The following ANKS1B variants were observed in gnomAD, a reference collection of about 807,000 sequenced individuals.
ANKS1B encodes ankyrin repeat and sterile alpha motif domain containing 1B, also known as ankyrin repeat and sterile alpha motif domain-containing protein 1B.
A neutral mutation model predicts 148.3 loss-of-function variants in ANKS1B; 36 were observed. The ratio of observed to expected loss-of-function variants is 0.24; its 90% CI spans 0.19 to 0.32. The LOEUF is 0.32. Ranked by LOEUF, ANKS1B falls within the 10% of genes least tolerant of loss-of-function variation. The probability of loss-of-function intolerance (pLI) is 1.00; values close to 1 mark genes in which losing one functional copy is unlikely to be tolerated. For synonymous variants in ANKS1B, 542 were observed against 560.8 expected (o/e 0.97, Z 0.47); for missense variants, 1,157 against 1,542.6 (o/e 0.75, Z 4.19).
chr12:99,952,904 C>T (rs1437009824), intron 1 of ANKS1B, among the ~76,000 whole-genome samples: 1 of 152,160 alleles, frequency 6.6e-6, no homozygotes, highest in Non-Finnish European at 1.5e-5. Context: ...ACTGCCATTT[C>T]AGTGAGATTT....
chr12:99,178,556 T>A (rs940808197), intron 14 of ANKS1B, among the ~76,000 whole-genome samples: 1 of 152,202 alleles, frequency 6.6e-6, no homozygotes, highest in Non-Finnish European at 1.5e-5. Flanking sequence ...CTGAATAAAT[T>A]AAAATAATTT....
At chr12:99,547,245 C>T (rs985427158) in intron 9 of ANKS1B, among the ~76,000 whole-genome samples, 5 of 152,132 alleles carry the variant, frequency 3.3e-5, no homozygotes, top group African/African-American at 9.7e-5. Flanking sequence ...ATAATGCCTA[C>T]ATCAAAGGAC....
intron 16 of ANKS1B, among the ~76,000 whole-genome samples, chr12:99,056,513 A>G (rs192814933): frequency 5.3e-5 from 8 of 152,264 alleles, no homozygotes; most frequent in Non-Finnish European, 8.8e-5. Context: ...TTGCTACTAC[A>G]TTAGTCTTCC....
At chr12:99,364,275 ATATT>A (rs34959970) in intron 12 of ANKS1B, among the ~76,000 whole-genome samples, 44,175 of 151,754 alleles carry the variant, frequency 0.29, 7,193 homozygotes, top group East Asian at 0.49. Context: ...CAGTATATAT[ATATT>A]TGTTTATTGT....
chr12:99,787,081 A>G (rs1455212278), intron 4 of ANKS1B, among the ~76,000 whole-genome samples: 1 of 152,214 alleles, frequency 6.6e-6, no homozygotes, highest in Non-Finnish European at 1.5e-5. Flanking sequence ...AATAACATAT[A>G]AATAGCTATT....
In ANKS1B at chr12:98,851,910, C is replaced by T. The variant is rs185534570; in HGVS notation, c.2779-19774G>A. On this transcript the variant is annotated intron_variant, in intron 17 of 26. Coordinates refer to ENST00000683438, the MANE Select transcript of ANKS1B (RefSeq NM_001352186.2). ...ATGGTGGTGCACGCCTGTAGTCCCA[C>T]CTACCCAGGAGGCTGAAGCAGCAGA... Among the ~76,000 whole-genome samples, 114 of 151,392 alleles carry T rather than the reference C, an allele frequency of 7.5e-4. 1 individual carries two copies. Among genetic ancestry groups the T allele is most frequent in the African/African-American group, 2.7e-3 (110 of 41,186 alleles).
In ANKS1B at chr12:99,407,876, C is replaced by T. The variant is rs992591145; in HGVS notation, c.1576-8065G>A. On this transcript the variant is annotated intron_variant, in intron 11 of 26. Coordinates refer to ENST00000683438, the MANE Select transcript of ANKS1B (RefSeq NM_001352186.2). ...CATATAAGAAAATGAAAAGATATTC[C>T]ACTTTCTGGATTGGTAGAATAAACA... Among the ~76,000 whole-genome samples the T allele has an allele frequency of 4.8e-5, 7 of 145,806 alleles. 1 individual carries two copies. Among genetic ancestry groups the T allele is most frequent in the African/African-American group, 1.8e-4 (7 of 38,540 alleles).
chr12:99,340,032 G>A (rs569489368), intron 12 of ANKS1B, among the ~76,000 whole-genome samples: 1 of 151,780 alleles, frequency 6.6e-6, no homozygotes, highest in East Asian at 1.9e-4. Context: ...AAACTTATGG[G>A]GTCATATTGA....
intron 1 of ANKS1B, among the ~76,000 whole-genome samples, chr12:99,834,924 C>T (rs143566215): frequency 6.7e-4 from 102 of 152,260 alleles, no homozygotes; most frequent in African/African-American, 2.4e-3. Flanking sequence ...TCAAGCAATG[C>T]AAAATAAACC....
chr12:98,793,485 C>T (rs926644977), intron 22 of ANKS1B, among the ~76,000 whole-genome samples: 1 of 152,094 alleles, frequency 6.6e-6, no homozygotes, highest in Admixed American at 6.6e-5. Flanking sequence ...AAAATAGACA[C>T]ATGGGATTAC....
chr12:99,135,564 A>C (rs1253921499), intron 15 of ANKS1B, among the ~76,000 whole-genome samples: 1 of 152,218 alleles, frequency 6.6e-6, no homozygotes, highest in Admixed American at 6.5e-5. Context: ...CATCAAACAC[A>C]TCAAACACTG....
At chr12:98,949,291 G>A (rs961227824) in intron 17 of ANKS1B, among the ~76,000 whole-genome samples, 3 of 152,080 alleles carry the variant, frequency 2.0e-5, no homozygotes, top group Non-Finnish European at 4.4e-5. Flanking sequence ...AGCCCAAAGA[G>A]CTTGGGAAAC....
At chr12:99,771,752 AAAAG>A (rs2063216452) in intron 8 of ANKS1B, among the ~76,000 whole-genome samples, 1 of 152,124 alleles carries the variant, frequency 6.6e-6, no homozygotes, top group Admixed American at 6.5e-5. Flanking sequence ...ATGTTTTTAC[AAAAG>A]AGAGTGAAGC....
At chr12:98,884,165 G>C (rs1403272955) in intron 17 of ANKS1B, among the ~76,000 whole-genome samples, 1 of 152,098 alleles carries the variant, frequency 6.6e-6, no homozygotes, top group Non-Finnish European at 1.5e-5. Context: ...AGTCAAAATG[G>C]TATCCCAAAG....
At chr12:99,659,133 G>A (rs2098463852) in intron 8 of ANKS1B, among the ~76,000 whole-genome samples, 1 of 152,028 alleles carries the variant, frequency 6.6e-6, no homozygotes, top group African/African-American at 2.4e-5. Context: ...CAGAAATGAA[G>A]AAACTTATCA....
At chr12:99,456,981 T>C (rs2095857759) in intron 10 of ANKS1B, among the ~76,000 whole-genome samples, 1 of 152,108 alleles carries the variant, frequency 6.6e-6, no homozygotes, top group Non-Finnish European at 1.5e-5. Context: ...CATCAGGTTA[T>C]CTAAAGTCAA....
At chr12:98,852,935 G>A (rs1022459247) in intron 17 of ANKS1B, among the ~76,000 whole-genome samples, 5 of 152,140 alleles carry the variant, frequency 3.3e-5, no homozygotes, top group South Asian at 2.1e-4. Flanking sequence ...GAGTCCCTAT[G>A]AGGATCCAAA....
chr12:99,317,034 T>C (rs2084248600), intron 12 of ANKS1B, among the ~76,000 whole-genome samples: 1 of 152,164 alleles, frequency 6.6e-6, no homozygotes, highest in Admixed American at 6.5e-5. Context: ...TCTGTGTGTG[T>C]TTTGGTACCA....
intron 17 of ANKS1B, among the ~76,000 whole-genome samples, chr12:99,015,783 G>A (rs2099942168): frequency 1.3e-5 from 2 of 152,094 alleles, no homozygotes; most frequent in African/African-American, 4.8e-5. Flanking sequence ...GGAGAATGGT[G>A]TGAACCTGGG....
Sources: allele counts gnomAD v4.1 joint callset (sites outside exome capture counted in the v4.1 genomes callset), GRCh38; gene constraint gnomAD v4.1.1; transcripts MANE v1.5; gene names NCBI Gene and HGNC (gene_info 2026-07-23, HGNC 2026-07-21).